DKK2: variants seen among roughly 807,000 people sequenced by gnomAD.
DKK2 encodes dickkopf Wnt signaling pathway inhibitor 2, also known as dickkopf-related protein 2.
In DKK2, 11 loss-of-function variants were observed where a neutral mutation model predicts 28.1. The observed-to-expected ratio is 0.39, with a 90% CI of 0.25 to 0.65. DKK2 has a LOEUF of 0.65. Ranked by LOEUF, DKK2 falls within the 30% of genes least tolerant of loss-of-function variation. DKK2 has a pLI of 0.47. For synonymous variants in DKK2, 135 were observed against 126.5 expected (o/e 1.07, Z -0.45); for missense variants, 326 against 335.5 (o/e 0.97, Z 0.22).
rs560678912 is a variant in DKK2 at position 107,034,063 on chromosome 4, G to A, written c.222+1307C>T. ...AACGGTTCACACTTCAAAGCTCTGG[G>A]AAGAGTTCTGGAACTGCAAAACTAG... On this transcript the variant is annotated intron_variant, in intron 1 of 3. Transcript: ENST00000285311. 5.6e-3 allele frequency among the ~76,000 whole-genome samples: 849 copies of A among 152,246 alleles called. 5 individuals are homozygous for A. Among genetic ancestry groups the A allele is most frequent in the Non-Finnish European group, 6.9e-3 (472 of 68,010 alleles).
Position 107,035,574 on chromosome 4 carries a change from C to A in DKK2, c.18G>T (p.Arg6=). ...GCAGGCAGCAGGACGAATCCTTGCT[C>A]CGCATCAACGCGGCCATCTCCCGGC... MAALM[R]SKDSSCCLLL... Residue 6 remains arginine (R), a synonymous_variant, in exon 1 of 4, where the codon CGG becomes CGT. Transcript: ENST00000285311. The A allele has an allele frequency of 6.2e-7, 1 of 1,614,118 alleles. No individual in the cohort carries two copies. The highest frequency in any genetic ancestry group is 8.5e-7 in the Non-Finnish European group (1 of 1,180,024).
chr4:106,970,965 A>G (rs771369330), intron 1 of DKK2, among the ~76,000 whole-genome samples: 3 of 152,146 alleles, frequency 2.0e-5, no homozygotes, highest in Non-Finnish European at 4.4e-5. Flanking sequence ...AATAACTGCT[A>G]TTGTTAAGTT....
intron 1 of DKK2, among the ~76,000 whole-genome samples, chr4:106,929,842 A>G (rs1268178667): frequency 6.6e-6 from 1 of 152,198 alleles, no homozygotes; most frequent in African/African-American, 2.4e-5. Context: ...AGTAACTGCT[A>G]GAAATAAGTA....
intron 1 of DKK2, among the ~76,000 whole-genome samples, chr4:106,991,724 C>T (rs781088825): frequency 2.0e-5 from 3 of 152,146 alleles, no homozygotes; most frequent in Non-Finnish European, 4.4e-5. Flanking sequence ...TACATGCACA[C>T]ACACAAAAAA....
chr4:106,962,004 A>G (rs940035329), intron 1 of DKK2, among the ~76,000 whole-genome samples: 1 of 152,166 alleles, frequency 6.6e-6, no homozygotes, highest in African/African-American at 2.4e-5. Context: ...TAGCTTGTCA[A>G]ACTATCATTA....
chr4:106,939,175 C>T (rs1022360969), intron 1 of DKK2, among the ~76,000 whole-genome samples: 20 of 152,094 alleles, frequency 1.3e-4, no homozygotes, highest in South Asian at 4.2e-4. Flanking sequence ...TCAAATTGTC[C>T]CTGTTTGCAG....
At chr4:106,981,626 G>A (rs1723027933) in intron 1 of DKK2, among the ~76,000 whole-genome samples, 2 of 151,992 alleles carry the variant, frequency 1.3e-5, no homozygotes, top group African/African-American at 4.8e-5. Context: ...CTTTCATAGG[G>A]CAATCATCTT....
intron 1 of DKK2, among the ~76,000 whole-genome samples, chr4:106,950,715 A>C (rs1378967292): frequency 6.6e-6 from 1 of 152,146 alleles, no homozygotes; most frequent in Non-Finnish European, 1.5e-5. Flanking sequence ...TCCAATTATT[A>C]TTTCTTGTAA....
chr4:107,018,824 C>G (rs1283934338), intron 1 of DKK2, among the ~76,000 whole-genome samples: 2 of 151,936 alleles, frequency 1.3e-5, no homozygotes, highest in Admixed American at 6.6e-5. Context: ...ATCTTTTTTC[C>G]TACTAAAACT....
In DKK2 at chr4:106,970,885, G is replaced by C. The variant is rs138701027; in HGVS notation, c.223-44936C>G. Among the ~76,000 whole-genome samples, 7 of 152,190 alleles carry C rather than the reference G, an allele frequency of 4.6e-5. 1 individual carries two copies. The South Asian group carries it at 1.0e-3, about 23-fold the overall frequency. On this transcript the variant is annotated intron_variant, in intron 1 of 3. Coordinates refer to ENST00000285311, the MANE Select transcript of DKK2 (RefSeq NM_014421.3). ...AAATCTTGCTATTAAATGCAATCAA[G>C]CACTTTGAGAAGGACTAGAGAGGTG...
intron 1 of DKK2, among the ~76,000 whole-genome samples, chr4:107,028,004 A>G (rs896967295): frequency 5.9e-5 from 9 of 151,988 alleles, no homozygotes; most frequent in South Asian, 2.1e-4. Flanking sequence ...CGCCCGCCTC[A>G]GCCTCCCAAA....
intron 1 of DKK2, among the ~76,000 whole-genome samples, chr4:106,992,114 G>A (rs2110362016): frequency 6.6e-6 from 1 of 152,246 alleles, no homozygotes; most frequent in South Asian, 2.1e-4. Flanking sequence ...AATGTAATAA[G>A]CTTATATCTG....
chr4:106,946,457 C>T (rs971956555), intron 1 of DKK2, among the ~76,000 whole-genome samples: 5 of 152,066 alleles, frequency 3.3e-5, no homozygotes, highest in Non-Finnish European at 7.4e-5. Context: ...AGAACTGGCA[C>T]ATAGGGGTTC....
At chr4:107,032,879 C>T (rs888904618) in intron 1 of DKK2, among the ~76,000 whole-genome samples, 2 of 152,066 alleles carry the variant, frequency 1.3e-5, no homozygotes, top group East Asian at 3.9e-4. Flanking sequence ...GAGTTTTTCT[C>T]TACAAAAGGA....
chr4:106,955,684 A>T (rs1477217325), intron 1 of DKK2, among the ~76,000 whole-genome samples: 2 of 152,222 alleles, frequency 1.3e-5, no homozygotes, highest in African/African-American at 4.8e-5. Flanking sequence ...CTAAATCTAG[A>T]TATACCAACT....
chr4:107,015,201 A>G (rs1414067352), intron 1 of DKK2, among the ~76,000 whole-genome samples: 1 of 151,616 alleles, frequency 6.6e-6, no homozygotes, highest in African/African-American at 2.4e-5. Flanking sequence ...AAAGTTTCAC[A>G]TAGGTACCTA....
In DKK2 at chr4:106,924,145, G is replaced by A. The variant is rs918911009; in HGVS notation, c.589C>T (p.Arg197Cys). The A allele has an allele frequency of 6.2e-7, 1 of 1,613,876 alleles. No individual in the cohort carries two copies. The highest frequency in any genetic ancestry group is 8.5e-7 in the Non-Finnish European group (1 of 1,179,890). The change falls in exon 4 of 4, where the codon CGT (arginine) becomes TGT (cysteine). Residue 197 changes from arginine to cysteine, a missense_variant. Arg to Cys is a radical substitution (Grantham distance 180, BLOSUM62 -3). Coordinates refer to ENST00000285311, the MANE Select transcript of DKK2 (RefSeq NM_014421.3). ...TTGCAGATTTTGGTCCAGAAATGAC[G>A]AGCACAGCAAAACCCTTCAATGCAG... ...SDCIEGFCCA[R>C]HFWTKICKPV...
At chr4:107,017,254 AT>A (rs1051766769) in intron 1 of DKK2, among the ~76,000 whole-genome samples, 10 of 151,982 alleles carry the variant, frequency 6.6e-5, no homozygotes, top group African/African-American at 2.4e-4. Context: ...TATATGGTTC[AT>A]TTTAGATTAA....
chr4:106,992,745 G>T (rs1000496449), intron 1 of DKK2, among the ~76,000 whole-genome samples: 7 of 152,082 alleles, frequency 4.6e-5, no homozygotes, highest in Non-Finnish European at 1.5e-5. Context: ...TAATGTTCTG[G>T]GGGCAGAGTG....
Sources: gnomAD v4.1 joint callset for allele counts (sites outside exome capture counted in the v4.1 genomes callset) on GRCh38, gnomAD v4.1.1 for gene constraint, MANE v1.5 for transcripts, NCBI Gene and HGNC (gene_info 2026-07-23, HGNC 2026-07-21) for gene names.